The following MMP16 variants were observed in gnomAD, a reference collection of about 807,000 sequenced individuals.
MMP16 encodes matrix metallopeptidase 16.
Under a neutral mutation model 67.8 loss-of-function variants are expected in MMP16, and 12 were observed. That is an observed-to-expected ratio of 0.18 (90% CI 0.11 to 0.29). The LOEUF is 0.29. Among genes scored for constraint, MMP16 ranks in the 10% least tolerant of loss-of-function variants. MMP16 has a pLI of 1.00. For missense variants in MMP16, 475 were observed against 765.7 expected (o/e 0.62, Z 4.48); for synonymous variants, 249 against 255.9 (o/e 0.97, Z 0.26).
At chr8:88,297,669 T>C (rs984808026) in intron 1 of MMP16, among the ~76,000 whole-genome samples, 25 of 152,210 alleles carry the variant, frequency 1.6e-4, no homozygotes, top group African/African-American at 6.0e-4. Context: ...GTATCACAAG[T>C]GTGCTCTAGA....
rs33911567 is a variant in MMP16 at position 88,226,876 on chromosome 8, G to GTATTTATT, written c.133-29578_133-29571dup. On this transcript the variant is annotated intron_variant, in intron 1 of 9. Coordinates refer to ENST00000286614, the MANE Select transcript of MMP16 (RefSeq NM_005941.5). ...TAATGAAAGAGTACTCAGCCTACACGTATTTATTTATTTATTTATTTATTT... is the reference window on the plus strand; with the variant it reads ...TAATGAAAGAGTACTCAGCCTACACGTATTTATTTATTTATTTATTTATTTATTTATTT... 2.9e-3 allele frequency among the ~76,000 whole-genome samples: 433 copies of GTATTTATT among 148,450 alleles called. 2 individuals are homozygous for GTATTTATT. Among genetic ancestry groups the GTATTTATT allele is most frequent in the African/African-American group, 8.8e-3 (356 of 40,280 alleles).
intron 7 of MMP16, among the ~76,000 whole-genome samples, chr8:88,057,607 C>A (rs1198532608): frequency 6.6e-6 from 1 of 152,052 alleles, no homozygotes; most frequent in Non-Finnish European, 1.5e-5. Context: ...TAAACCGTAG[C>A]TTTCATGTAA....
chr8:88,205,602 C>T (rs190328556), intron 1 of MMP16, among the ~76,000 whole-genome samples: 4 of 152,174 alleles, frequency 2.6e-5, no homozygotes, highest in Non-Finnish European at 5.9e-5. Context: ...ATTTCACTTA[C>T]GGCCATTTCA....
chr8:88,050,231 G>A (rs969569645), intron 8 of MMP16, among the ~76,000 whole-genome samples: 4 of 152,174 alleles, frequency 2.6e-5, no homozygotes, highest in Non-Finnish European at 5.9e-5. Flanking sequence ...GCTGAGGCAG[G>A]AGAATCGCTT....
chr8:88,126,057 G>A (rs1807925594), intron 4 of MMP16, among the ~76,000 whole-genome samples: 1 of 151,696 alleles, frequency 6.6e-6, no homozygotes, highest in South Asian at 2.1e-4. Flanking sequence ...GGCAATCCTG[G>A]TAATATGTGC....
At chr8:88,095,118 T>C (rs1809004044) in intron 6 of MMP16, among the ~76,000 whole-genome samples, 1 of 151,812 alleles carries the variant, frequency 6.6e-6, no homozygotes, top group Non-Finnish European at 1.5e-5. Flanking sequence ...ACATTAATAT[T>C]TTACTACTGG....
At chr8:88,229,274 T>G (rs1809821817) in intron 1 of MMP16, among the ~76,000 whole-genome samples, 1 of 152,146 alleles carries the variant, frequency 6.6e-6, no homozygotes, top group Non-Finnish European at 1.5e-5. Context: ...TTCATATTAA[T>G]GTAACTATTT....
intron 4 of MMP16, among the ~76,000 whole-genome samples, chr8:88,141,676 T>C (rs1050187503): frequency 6.6e-6 from 1 of 152,190 alleles, no homozygotes; most frequent in Non-Finnish European, 1.5e-5. Flanking sequence ...AGTAATACTA[T>C]TATTATTTGC....
chr8:88,244,232 C>T (rs1356089511), intron 1 of MMP16, among the ~76,000 whole-genome samples: 2 of 152,032 alleles, frequency 1.3e-5, no homozygotes, highest in Non-Finnish European at 2.9e-5. Flanking sequence ...GTTATATAAC[C>T]ACCTTACCTA....
chr8:88,253,018 A>G (rs1267003508), intron 1 of MMP16, among the ~76,000 whole-genome samples: 1 of 152,112 alleles, frequency 6.6e-6, no homozygotes, highest in East Asian at 1.9e-4. Flanking sequence ...TGATAGGACA[A>G]TTCTTTAGAA....
chr8:88,146,422 A>C (rs1322371584), intron 4 of MMP16, among the ~76,000 whole-genome samples: 1 of 151,956 alleles, frequency 6.6e-6, no homozygotes, highest in Admixed American at 6.6e-5. Context: ...TCACTATCCC[A>C]AAATTTGTGG....
intron 4 of MMP16, among the ~76,000 whole-genome samples, chr8:88,139,591 A>G (rs1292687744): frequency 1.3e-5 from 2 of 152,152 alleles, no homozygotes; most frequent in Non-Finnish European, 2.9e-5. Context: ...AAGCAGGGAT[A>G]ATTGCCAGTT....
At chr8:88,117,591 T>C (rs926010015) in intron 5 of MMP16, among the ~76,000 whole-genome samples, 2 of 152,046 alleles carry the variant, frequency 1.3e-5, no homozygotes, top group African/African-American at 2.4e-5. Flanking sequence ...CACTTAGAAA[T>C]AGGATAGCTC....
chr8:88,325,822 C>T (rs1228373674), intron 1 of MMP16, among the ~76,000 whole-genome samples: 3 of 152,022 alleles, frequency 2.0e-5, no homozygotes, highest in East Asian at 3.9e-4. Flanking sequence ...TTTTCAAATA[C>T]TTTTTTTGTA....
intron 4 of MMP16, among the ~76,000 whole-genome samples, chr8:88,143,447 T>C (rs762844232): frequency 2.0e-5 from 3 of 152,142 alleles, no homozygotes; most frequent in Non-Finnish European, 2.9e-5. Context: ...ATCATTGTTT[T>C]AGATATATTG....
At chr8:88,155,928 G>A (rs1470495960) in intron 4 of MMP16, among the ~76,000 whole-genome samples, 3 of 151,770 alleles carry the variant, frequency 2.0e-5, no homozygotes, top group African/African-American at 4.8e-5. Flanking sequence ...CTGTTATTAC[G>A]ACTACCTAGC....
intron 1 of MMP16, among the ~76,000 whole-genome samples, chr8:88,246,121 G>C (rs185212073): frequency 2.6e-5 from 4 of 152,026 alleles, no homozygotes; most frequent in Non-Finnish European, 5.9e-5. Context: ...TCCAATCTCC[G>C]TATGTGACAG....
chr8:88,068,389 T>G (rs575420256), intron 7 of MMP16, among the ~76,000 whole-genome samples: 137 of 152,216 alleles, frequency 9.0e-4, no homozygotes, highest in Non-Finnish European at 1.5e-3. Flanking sequence ...CTTTGAAGGG[T>G]AGAATTTTTA....
chr8:88,200,567 C>T (rs1479889666), intron 1 of MMP16, among the ~76,000 whole-genome samples: 1 of 151,968 alleles, frequency 6.6e-6, no homozygotes, highest in Non-Finnish European at 1.5e-5. Context: ...CTGTTGTTCT[C>T]TGCAGAGTAA....
Sources: gnomAD v4.1 joint callset for allele counts (sites outside exome capture counted in the v4.1 genomes callset) on GRCh38, gnomAD v4.1.1 for gene constraint, MANE v1.5 for transcripts, NCBI Gene and HGNC (gene_info 2026-07-23, HGNC 2026-07-21) for gene names.